Variants in FYN observed in about 807,000 individuals in gnomAD.
FYN encodes FYN proto-oncogene, Src family tyrosine kinase.
Under a neutral mutation model 70.2 loss-of-function variants are expected in FYN, and 10 were observed. The observed-to-expected ratio is 0.14, with a 90% CI of 0.09 to 0.24. The LOEUF (loss-of-function observed/expected upper bound fraction) is 0.24. Ranked by LOEUF, FYN falls within the 10% of genes least tolerant of loss-of-function variation. FYN has a pLI of 1.00. For synonymous variants in FYN, 236 were observed against 248.6 expected (o/e 0.95, Z 0.48); for missense variants, 319 against 673.1 (o/e 0.47, Z 5.82).
intron 12 of FYN, among the ~76,000 whole-genome samples, chr6:111,684,135 T>A (rs892851353): frequency 6.6e-6 from 1 of 152,036 alleles, no homozygotes; most frequent in Non-Finnish European, 1.5e-5. Context: ...AGCAAGAAGT[T>A]TGAGAAGGAG....
chr6:111,705,018 C>T (rs1000791513), intron 6 of FYN, among the ~76,000 whole-genome samples: 4 of 151,820 alleles, frequency 2.6e-5, no homozygotes, highest in African/African-American at 4.8e-5. Flanking sequence ...GCCAGGATTG[C>T]GCCACTGCAC....
At chr6:111,858,734 T>C (rs921475584) in intron 1 of FYN, among the ~76,000 whole-genome samples, 2 of 151,654 alleles carry the variant, frequency 1.3e-5, no homozygotes, top group Non-Finnish European at 2.9e-5. Flanking sequence ...CAACAGCAAT[T>C]AGGAGGAAGG....
chr6:111,764,929 G>T (rs61052725), intron 3 of FYN, among the ~76,000 whole-genome samples: 12,175 of 152,030 alleles, frequency 0.08, 1,329 homozygotes, highest in African/African-American at 0.25. Flanking sequence ...GGAGGCAGGA[G>T]GGTGCTCTGA....
intron 1 of FYN, among the ~76,000 whole-genome samples, chr6:111,849,019 C>T (rs6568708): frequency 0.34 from 52,024 of 152,072 alleles, 13,225 homozygotes; most frequent in African/African-American, 0.72. Flanking sequence ...CATGTGCGTA[C>T]AGATATATTA....
intron 12 of FYN, among the ~76,000 whole-genome samples, chr6:111,676,778 C>T (rs1798544899): frequency 6.6e-6 from 1 of 152,044 alleles, no homozygotes; most frequent in South Asian, 2.1e-4. Context: ...AAATGACAAC[C>T]AAAGGAGTTG....
intron 3 of FYN, among the ~76,000 whole-genome samples, chr6:111,758,572 A>G (rs185538644): frequency 1.3e-5 from 2 of 152,352 alleles, no homozygotes; most frequent in East Asian, 3.9e-4. Context: ...AAAATACCCA[A>G]CAAAAGCCAA....
chr6:111,786,642 T>G (rs1474625017), intron 2 of FYN, among the ~76,000 whole-genome samples: 1 of 152,234 alleles, frequency 6.6e-6, no homozygotes, highest in Non-Finnish European at 1.5e-5. Context: ...ATCGCCACAC[T>G]GTCTTTCACA....
At chr6:111,866,518 T>G (rs907328792) in intron 1 of FYN, among the ~76,000 whole-genome samples, 1 of 152,158 alleles carries the variant, frequency 6.6e-6, no homozygotes, top group Non-Finnish European at 1.5e-5. Context: ...ATTTTTGTAT[T>G]TTTAGTAGAG....
intron 3 of FYN, among the ~76,000 whole-genome samples, chr6:111,727,187 A>T (rs1217950341): frequency 6.6e-6 from 1 of 152,114 alleles, no homozygotes; most frequent in Non-Finnish European, 1.5e-5. Flanking sequence ...GAGATGCTGG[A>T]CCATACTAGG....
chr6:111,841,344 T>A (rs1422403853), intron 2 of FYN, among the ~76,000 whole-genome samples: 1 of 152,096 alleles, frequency 6.6e-6, no homozygotes, highest in Non-Finnish European at 1.5e-5. Context: ...TTAAATTCAG[T>A]GAAGAGAAAA....
intron 2 of FYN, among the ~76,000 whole-genome samples, chr6:111,813,338 T>C (rs964678450): frequency 6.6e-6 from 1 of 152,140 alleles, no homozygotes; most frequent in Non-Finnish European, 1.5e-5. Flanking sequence ...ACCCAACACC[T>C]TCAGGAAGAC....
intron 1 of FYN, among the ~76,000 whole-genome samples, chr6:111,860,446 C>T (rs569386498): frequency 6.6e-6 from 1 of 152,246 alleles, no homozygotes; most frequent in East Asian, 1.9e-4. Context: ...TGGAAGGAAG[C>T]CCTGTTCTGG....
Position 111,719,823 on chromosome 6 carries a change from G to C in FYN, c.229C>G (p.Arg77Gly), listed in dbSNP as rs746134687. 1 of 1,614,048 alleles carries C rather than the reference G, an allele frequency of 6.2e-7. No individual in the cohort carries two copies. Among genetic ancestry groups the C allele is most frequent in the Non-Finnish European group, 8.5e-7 (1 of 1,179,952 alleles). Reference sequence around the variant, plus strand: ...GGCTTACCTGTTCCTCCTCTCGTACGCAAGGTCCCCGTATGAGACGAAGAG... The same window carrying C: ...GGCTTACCTGTTCCTCCTCTCGTACCCAAGGTCCCCGTATGAGACGAAGAG... ...VNSSSHTGTL[R>G]TRGGTGVTLF... is the part of the protein sequence containing the mutation. Residue 77 changes from arginine to glycine, a missense_variant, in exon 4 of 14, where the codon CGT becomes GGT. Arg to Gly is a moderately radical substitution (Grantham distance 125). This residue lies in a region of FYN where 128 missense variants were observed against 183.9 expected (regional missense o/e 0.70). Transcript: ENST00000354650.
At chr6:111,835,260 G>A (rs752168) in intron 2 of FYN, among the ~76,000 whole-genome samples, 23,219 of 152,100 alleles carry the variant, frequency 0.15, 3,154 homozygotes, top group African/African-American at 0.37. Flanking sequence ...AGGTAATTTG[G>A]TTTTTCTTAA....
intron 3 of FYN, among the ~76,000 whole-genome samples, chr6:111,748,296 C>T (rs1283891490): frequency 3.9e-5 from 6 of 152,132 alleles, no homozygotes; most frequent in African/African-American, 1.4e-4. Flanking sequence ...CCACAGGAAA[C>T]GGCTGCAGCT....
chr6:111,692,222 A>C (rs992544943), intron 12 of FYN, among the ~76,000 whole-genome samples: 4 of 152,144 alleles, frequency 2.6e-5, no homozygotes, highest in African/African-American at 4.8e-5. Flanking sequence ...TGAAGAAGGA[A>C]GGACGGGACC....
In FYN at chr6:111,764,712, C is replaced by A. The variant is rs543305561; in HGVS notation, c.-12+15854G>T. Among the ~76,000 whole-genome samples, 82 of 152,022 alleles carry A rather than the reference C, an allele frequency of 5.4e-4. 1 individual carries two copies. Among genetic ancestry groups the A allele is most frequent in the Non-Finnish European group, 1.0e-4 (7 of 68,004 alleles). On this transcript the variant is annotated intron_variant, in intron 3 of 13. Transcript: ENST00000354650. Reference sequence around the variant, plus strand: ...ACGTCACTTATCAACTGTCTTAACTCGTAGAGCTAAGGGGTTCCTTTAGTG... The same window carrying A: ...ACGTCACTTATCAACTGTCTTAACTAGTAGAGCTAAGGGGTTCCTTTAGTG...
intron 2 of FYN, among the ~76,000 whole-genome samples, chr6:111,809,640 CA>C (rs1220319672): frequency 6.6e-6 from 1 of 152,202 alleles, no homozygotes; most frequent in Non-Finnish European, 1.5e-5. Flanking sequence ...TGACACCCTC[CA>C]ACACCTGCCA....
chr6:111,749,519 C>T (rs1471967207), intron 3 of FYN, among the ~76,000 whole-genome samples: 1 of 152,166 alleles, frequency 6.6e-6, no homozygotes, highest in East Asian at 1.9e-4. Context: ...AAAACATGAA[C>T]ACAAAATATT....
Sources: allele counts gnomAD v4.1 joint callset (sites outside exome capture counted in the v4.1 genomes callset), GRCh38; gene constraint gnomAD v4.1.1; regional missense constraint gnomAD v4.1.1; transcripts MANE v1.5; gene names NCBI Gene and HGNC (gene_info 2026-07-23, HGNC 2026-07-21).